The following DGKD variants were observed in gnomAD, a reference collection of about 807,000 sequenced individuals.
DGKD encodes diacylglycerol kinase delta.
A neutral mutation model predicts 154.4 loss-of-function variants in DGKD; 68 were observed. The observed-to-expected ratio is 0.44, with a 90% CI of 0.36 to 0.54. DGKD has a LOEUF of 0.54. DGKD is among the 20% of genes least tolerant of loss of function. The probability of loss-of-function intolerance (pLI) is 0.00; values close to 1 mark genes in which losing one functional copy is unlikely to be tolerated. For synonymous variants in DGKD, 693 were observed against 638.0 expected, an observed-to-expected ratio of 1.09 and a Z score of -1.30; for missense variants, 1,343 against 1,593.6, an observed-to-expected ratio of 0.84 and a Z score of 2.68.
At chr2:233,436,572 G>A (rs1455784101) in intron 7 of DGKD, 131 bp downstream of exon 7, 45 of 1,338,560 alleles carry the variant, frequency 3.4e-5, no homozygotes, top group Non-Finnish European at 4.2e-5. Context: ...GGCTGAGAGT[G>A]GGTTTTTGAA....
At chr2:233,456,821 C>T in intron 19 of DGKD, 78 bp from the exon 20 acceptor site, 1 of 1,111,184 alleles carries the variant, frequency 9.0e-7, no homozygotes, top group East Asian at 2.4e-5. Context: ...ATGCTGTTCC[C>T]AGCTTTCACA....
At position 233,452,111 on chromosome 2, in the gene DGKD, G is replaced by C. The variant is rs755096457; in HGVS notation, c.2264+51G>C. 1 of 1,516,396 alleles carries C rather than the reference G, an allele frequency of 6.6e-7. No individual in the cohort carries two copies. Among genetic ancestry groups the C allele is most frequent in the Admixed American group, 1.7e-5 (1 of 59,710 alleles). The allele number at this position is 1,516,396 out of a possible 1,614,324, so 93.9% of individuals were successfully genotyped here. A position where few individuals can be genotyped will look rare whatever the true frequency, so the allele number is the denominator to read the frequency against. The stretch of plus-strand genomic sequence containing the variant: ...GGCATATTGTTACATGGCTGCTAGT[G>C]CATAGAAAACAGATCTCAGGATTAA... On this transcript the variant is annotated intron_variant, in intron 18 of 29. Transcript: ENST00000264057. This position sits in a 1 kb window ranked among gnomAD's most constrained non-coding sequence, Gnocchi z 4.0.
rs779772196 is a variant in DGKD at position 233,449,987 on chromosome 2, G to A, written c.1894G>A (p.Asp632Asn). ...CACACACTCTCCTTGCACAGCTGTC[G>A]ATGAGCAGAATGCCCAGACCCAGGA... ...QIIEHTEKAVDEQNAQTQEQE... is the reference protein window; with the variant it reads ...QIIEHTEKAVNEQNAQTQEQE... Residue 632 changes from aspartate to asparagine, a missense_variant, in exon 16 of 30, where the codon GAT becomes AAT. By Grantham distance (23) the Asp-to-Asn change is conservative. Around this residue, in one of 6 missense-constraint regions of DGKD, gnomAD observed 409 missense variants for 446.0 expected, o/e 0.92. Transcript: ENST00000264057. The surrounding 1 kb of genome is among the most constrained non-coding windows in gnomAD (Gnocchi z 5.3). 3 of 1,600,444 alleles carry A rather than the reference G, an allele frequency of 1.9e-6. No homozygotes were observed. Among genetic ancestry groups the A allele is most frequent in the Non-Finnish European group, 1.7e-6 (2 of 1,173,110 alleles).
chr2:233,469,319 T>C, intron 29 of DGKD, 52 bp from the exon 30 acceptor site: 3 of 1,522,686 alleles, frequency 2.0e-6, no homozygotes, highest in East Asian at 2.4e-5. Flanking sequence ...TGTGGAGCCC[T>C]CTGGCCCTGG....
chr2:233,434,365 T>C lies in DGKD; in HGVS notation c.349-15T>C. The stretch of plus-strand genomic sequence containing the variant: ...CTTTTGTTCATGGATCTGTTGAACC[T>C]GTTTCTTTCTCTAGGTCATAACTCC... On this transcript the variant is annotated splice_polypyrimidine_tract_variant and intron_variant, in intron 3 of 29. Transcript: ENST00000264057. 6.2e-7 allele frequency: 1 copy of C among 1,607,868 alleles called. No homozygotes were observed. The highest frequency in any genetic ancestry group is 8.5e-7 in the Non-Finnish European group (1 of 1,174,684).
intron 16 of DGKD, 79 bp downstream of exon 16, chr2:233,450,210 T>C: frequency 6.8e-7 from 1 of 1,463,834 alleles, no homozygotes; most frequent in Non-Finnish European, 9.1e-7. Flanking sequence ...CCAGGGGAGG[T>C]TTTAGGGCAC....
intron 1 of DGKD, among the ~76,000 whole-genome samples, chr2:233,359,584 C>T (rs1701686038): frequency 6.6e-6 from 1 of 150,852 alleles, no homozygotes; most frequent in Non-Finnish European, 1.5e-5. Context: ...TCTCTCGGCT[C>T]CAGAAGAGCA....
chr2:233,411,571 A>G (rs1044155215), intron 3 of DGKD, among the ~76,000 whole-genome samples: 2 of 151,954 alleles, frequency 1.3e-5, no homozygotes, highest in African/African-American at 4.8e-5. Flanking sequence ...TGTATTTTGG[A>G]TGTAAGTCCT....
At chr2:233,398,760 G>A (rs1398694797) in intron 3 of DGKD, among the ~76,000 whole-genome samples, 1 of 152,124 alleles carries the variant, frequency 6.6e-6, no homozygotes, top group Non-Finnish European at 1.5e-5. Context: ...GAGTAGCTGG[G>A]ATTACAGGCT....
rs1311435756 is a variant in DGKD, at chr2:233,448,095, G to C, written c.1428G>C (p.Gln476His). The part of the protein sequence containing the change: ...EDFSEDSEVQ[Q>H]ILFYEDSVAA... ...ATTTGGGGTGATTGCAGGTACAGCAGATTCTCTTCTATGAAGACTCGGTTG... is the reference window on the plus strand; with the variant it reads ...ATTTGGGGTGATTGCAGGTACAGCACATTCTCTTCTATGAAGACTCGGTTG... Residue 476 changes from glutamine to histidine, a missense_variant, in exon 13 of 30, where the codon CAG (glutamine) becomes CAC (histidine). Around this residue, in one of 6 missense-constraint regions of DGKD, gnomAD observed 409 missense variants for 446.0 expected, o/e 0.92. Transcript: ENST00000264057. 2 of 1,614,098 alleles carry C rather than the reference G, an allele frequency of 1.2e-6. No individual in the cohort carries two copies. Among genetic ancestry groups the C allele is most frequent in the East Asian group, 4.5e-5 (2 of 44,876 alleles).
chr2:233,355,807 G>C (rs1363944889), intron 1 of DGKD, among the ~76,000 whole-genome samples: 15 of 152,210 alleles, frequency 9.9e-5, no homozygotes, highest in Non-Finnish European at 1.5e-5. Context: ...GCACTTTCTT[G>C]GGTTAGCTTT....
In DGKD at chr2:233,386,126, T is replaced by C. The variant is rs75094306; in HGVS notation, c.157-2131T>C. ...GCATCTGTCCTTTAAAGATAACTTATAACTTTTCTGGGTTTTGGGTTGTTG... is the reference window on the plus strand; with the variant it reads ...GCATCTGTCCTTTAAAGATAACTTACAACTTTTCTGGGTTTTGGGTTGTTG... On this transcript the variant is annotated intron_variant, in intron 1 of 29. Coordinates refer to ENST00000264057, the MANE Select transcript of DGKD (RefSeq NM_152879.3). 9.0e-3 allele frequency: 3,063 copies of C among 341,078 alleles called. 35 individuals carry two copies. The highest frequency in any genetic ancestry group is 0.027 in the East Asian group (307 of 11,546). The allele number at this position is 341,078 out of a possible 1,614,324, so 21.1% of individuals were successfully genotyped here.
intron 1 of DGKD, among the ~76,000 whole-genome samples, chr2:233,379,005 T>A (rs566874920): frequency 8.5e-5 from 13 of 152,262 alleles, no homozygotes; most frequent in Non-Finnish European, 1.8e-4. Context: ...TAGCCCAGCC[T>A]GGTTGGCAGT....
Position 233,438,758 on chromosome 2 carries a change from CTAT to C in DGKD, c.1085+380_1085+382del, listed in dbSNP as rs1559549688. On this transcript the variant is annotated intron_variant, in intron 9 of 29. Transcript: ENST00000264057. The surrounding 1 kb of genome is among the most constrained non-coding windows in gnomAD (Gnocchi z 4.1). Reference sequence around the variant, plus strand: ...TTTTATTTATCTGTCTATCTATCATCTATCTATCTATCTATCTATCTATCTATC... The same window carrying C: ...TTTTATTTATCTGTCTATCTATCATCCTATCTATCTATCTATCTATCTATC... 2.5e-3 allele frequency among the ~76,000 whole-genome samples: 61 copies of C among 24,808 alleles called. 1 individual carries two copies. In the East Asian group the frequency reaches 0.094, roughly 38 times the overall value. The allele number at this position is 24,808 out of a possible 152,430, so 16.3% of individuals were successfully genotyped here. A position where few individuals can be genotyped will look rare whatever the true frequency, so the allele number is the denominator to read the frequency against.
intron 12 of DGKD, among the ~76,000 whole-genome samples, chr2:233,447,111 C>T (rs534779368): frequency 7.2e-5 from 11 of 152,194 alleles, no homozygotes; most frequent in South Asian, 2.1e-4. Context: ...GAGCCCCAAA[C>T]GGTGCGCGCC....
At position 233,454,942 on chromosome 2, in the gene DGKD, G is replaced by T. The variant is rs988340514; in HGVS notation, c.2375+69G>T. 92 of 986,976 alleles carry T rather than the reference G, an allele frequency of 9.3e-5. 1 individual carries two copies. The highest frequency in any genetic ancestry group is 2.1e-4 in the Middle Eastern group (1 of 4,726). The allele number at this position is 986,976 out of a possible 1,614,324, so 61.1% of individuals were successfully genotyped here. ...TGGCTTCTCCTTCCAGACAGTAGCA[G>T]ATTTCTGGAGTCAGCAGGTTAAAGA... On this transcript the variant is annotated intron_variant, in intron 19 of 29. Coordinates refer to ENST00000264057, the MANE Select transcript of DGKD (RefSeq NM_152879.3).
At chr2:233,451,867 T>G (rs1204193010) in intron 17 of DGKD, 97 bp from the exon 18 acceptor site, 19 of 998,146 alleles carry the variant, frequency 1.9e-5, no homozygotes, top group Middle Eastern at 6.0e-4. Flanking sequence ...ATAATAACGT[T>G]CTGCAGAATA....
At chr2:233,396,415 G>C (rs1429521868) in intron 3 of DGKD, among the ~76,000 whole-genome samples, 1 of 151,896 alleles carries the variant, frequency 6.6e-6, no homozygotes, top group Admixed American at 6.6e-5. Context: ...CATTTTTTTT[G>C]GGGTCTACCG....
intron 27 of DGKD, among the ~76,000 whole-genome samples, chr2:233,466,085 G>T (rs1292869356): frequency 2.0e-5 from 3 of 152,026 alleles, no homozygotes; most frequent in Non-Finnish European, 4.4e-5. Context: ...AGCTGTTCAA[G>T]ACTATGTTTT....
Sources: gnomAD v4.1 joint callset for allele counts (sites outside exome capture counted in the v4.1 genomes callset) on GRCh38, gnomAD v4.1.1 for gene constraint, gnomAD v4.1.1 regional missense constraint, Gnocchi (gnomAD v3.1) non-coding constraint, MANE v1.5 for transcripts, NCBI Gene and HGNC (gene_info 2026-07-23, HGNC 2026-07-21) for gene names.